The following GALK2 variants were observed in gnomAD, a reference collection of about 807,000 sequenced individuals.
The protein encoded by GALK2 is galactokinase 2.
Under a neutral mutation model 52.4 loss-of-function variants are expected in GALK2, and 36 were observed. The observed-to-expected ratio is 0.69, with a 90% CI of 0.53 to 0.91. The LOEUF is 0.91. GALK2 is among the 40% of genes least tolerant of loss of function. The probability of loss-of-function intolerance (pLI) is 0.00; values close to 1 mark genes in which losing one functional copy is unlikely to be tolerated. For missense variants in GALK2, 579 were observed against 559.1 expected (o/e 1.04, Z -0.36); for synonymous variants, 176 against 199.1 (o/e 0.88, Z 0.98).
At chr15:49,172,305 T>C (rs187056308) in intron 1 of GALK2, among the ~76,000 whole-genome samples, 6 of 152,344 alleles carry the variant, frequency 3.9e-5, no homozygotes, top group African/African-American at 1.4e-4. Flanking sequence ...AACAAATATT[T>C]ATTGTTAATA....
intron 8 of GALK2, among the ~76,000 whole-genome samples, chr15:49,317,419 G>C (rs2036512474): frequency 6.6e-6 from 1 of 151,734 alleles, no homozygotes; most frequent in Non-Finnish European, 1.5e-5. Flanking sequence ...ATAGATGCTG[G>C]AGAGGATGTG....
At chr15:49,316,652 C>CA (rs888570167) in intron 8 of GALK2, among the ~76,000 whole-genome samples, 35 of 147,822 alleles carry the variant, frequency 2.4e-4, no homozygotes, top group Middle Eastern at 3.4e-3. Context: ...AAATCAAGGG[C>CA]AAAAAAAAAA....
chr15:49,186,542 CTTT>C (rs71299506), intron 1 of GALK2, among the ~76,000 whole-genome samples: 1 of 131,090 alleles, frequency 7.6e-6, no homozygotes. Context: ...GAATTTTTTT[CTTT>C]TTTTTTTTTT....
Position 49,329,193 on chromosome 15 carries a change from TA to T in GALK2, c.*1036del. 9 of 986,692 alleles carry T rather than the reference TA, an allele frequency of 9.1e-6. No homozygotes were observed. Among genetic ancestry groups the T allele is most frequent in the Non-Finnish European group, 1.1e-5 (9 of 830,818 alleles). The allele number at this position is 986,692 out of a possible 1,614,324, so 61.1% of individuals were successfully genotyped here. A position where few individuals can be genotyped will look rare whatever the true frequency, so the allele number is the denominator to read the frequency against. On this transcript the variant is annotated 3_prime_UTR_variant, in exon 10 of 10. Transcript: ENST00000560031. The stretch of plus-strand genomic sequence containing the variant: ...GGGTGAAAGTGACTATGAAAAGACT[TA>T]ATGAATTCTGGGATTTGTAATGGTA...
exon 4 of GALK2, chr15:49,367,698 G>A (rs1037820148): frequency 2.5e-6 from 3 of 1,204,698 alleles, no homozygotes; most frequent in African/African-American, 3.2e-5. Context: ...TTAGCATAAA[G>A]TTACCATTTG....
rs958384410 is a variant in GALK2 at position 49,200,001 on chromosome 15, T to C, written c.54-1161T>C. ...TTTATTACATTTTCTTGAGGTTTTT[T>C]GGGTGTGGGTCTCTGTTTCTTAATT... On this transcript the variant is annotated intron_variant, in intron 1 of 9. Transcript: ENST00000560031. Among the ~76,000 whole-genome samples, 3 of 152,212 alleles carry C rather than the reference T, an allele frequency of 2.0e-5. No individual in the cohort carries two copies. The South Asian group carries it at 6.2e-4, about 31-fold the overall frequency.
intron 5 of GALK2, among the ~76,000 whole-genome samples, chr15:49,248,787 T>G (rs1240637258): frequency 6.6e-6 from 1 of 151,902 alleles, no homozygotes; most frequent in East Asian, 1.9e-4. Context: ...CACTTCTGGG[T>G]TTTTTTTCCG....
intron 5 of GALK2, among the ~76,000 whole-genome samples, chr15:49,271,586 C>G (rs1468442959): frequency 6.6e-6 from 1 of 152,200 alleles, no homozygotes; most frequent in Non-Finnish European, 1.5e-5. Context: ...CACTTACTAG[C>G]TGAATGATCT....
intron 8 of GALK2, among the ~76,000 whole-genome samples, chr15:49,300,015 T>C (rs1309628733): frequency 2.0e-5 from 3 of 151,902 alleles, no homozygotes; most frequent in Non-Finnish European, 4.4e-5. Flanking sequence ...GTTTTCTGCC[T>C]GGATGATCTG....
In GALK2 at chr15:49,328,133, G is replaced by A; in HGVS notation, c.1351G>A (p.Gly451Arg). 6.2e-7 allele frequency: 1 copy of A among 1,614,010 alleles called. No individual in the cohort carries two copies. The highest frequency in any genetic ancestry group is 8.5e-7 in the Non-Finnish European group (1 of 1,179,976). ...QSLFATKPGG[G>R]ALVLLEA ...TTTGTTTGCTACCAAACCTGGAGGT[G>A]GGGCTTTGGTTTTGCTTGAGGCCTG... The change falls in exon 10 of 10, where the codon GGG (glycine) becomes AGG (arginine). Residue 451 changes from glycine (G) to arginine (R), a missense_variant. Transcript: ENST00000560031.
At chr15:49,345,817 T>C (rs1478620757) in intron 3 of GALK2, among the ~76,000 whole-genome samples, 1 of 152,042 alleles carries the variant, frequency 6.6e-6, no homozygotes, top group Non-Finnish European at 1.5e-5. Context: ...AAACAAAGGG[T>C]TTTGGAAATT....
At chr15:49,259,645 T>C (rs1411911910) in intron 5 of GALK2, among the ~76,000 whole-genome samples, 2 of 150,440 alleles carry the variant, frequency 1.3e-5, no homozygotes, top group East Asian at 4.0e-4. Context: ...TAGTTACATA[T>C]GTATACATGT....
chr15:49,246,212 G>A (rs527635531), intron 5 of GALK2, among the ~76,000 whole-genome samples: 13 of 152,278 alleles, frequency 8.5e-5, no homozygotes, highest in Admixed American at 4.6e-4. Flanking sequence ...GTCTGTTCTT[G>A]GAGTTGTCCT....
intron 2 of GALK2, among the ~76,000 whole-genome samples, chr15:49,205,931 G>A (rs565897439): frequency 9.9e-5 from 15 of 152,280 alleles, no homozygotes; most frequent in Non-Finnish European, 1.9e-4. Flanking sequence ...TGGGGATCCA[G>A]TTTCATTCTC....
Position 49,328,638 on chromosome 15 carries a change from G to T in GALK2, c.*479G>T. On this transcript the variant is annotated 3_prime_UTR_variant, in exon 10 of 10. Coordinates refer to ENST00000560031, the MANE Select transcript of GALK2 (RefSeq NM_002044.4). ...TGATGATGATGATGATGACGATAGT[G>T]ATGCCACACATTCTCTCTCAATTTC... The T allele has an allele frequency of 1.3e-6, 2 of 1,578,276 alleles. No homozygotes were observed. The highest frequency in any genetic ancestry group is 1.7e-6 in the Non-Finnish European group (2 of 1,158,606).
chr15:49,366,325 T>C (rs765448052), intron 3 of GALK2: 76 of 786,580 alleles, frequency 9.7e-5, no homozygotes, highest in Admixed American at 2.4e-4. Context: ...AGGTAGGAAA[T>C]AGGATACTGT....
chr15:49,274,972 T>G (rs2031419397), intron 5 of GALK2, among the ~76,000 whole-genome samples: 1 of 148,980 alleles, frequency 6.7e-6, no homozygotes, highest in African/African-American at 2.5e-5. Context: ...TACAGTTAAC[T>G]TTTTTTTTTA....
chr15:49,228,115 G>A (rs1276228929), intron 3 of GALK2, among the ~76,000 whole-genome samples: 1 of 152,086 alleles, frequency 6.6e-6, no homozygotes, highest in African/African-American at 2.4e-5. Flanking sequence ...CTTTGTAAGT[G>A]TCTAGATGCT....
intron 8 of GALK2, among the ~76,000 whole-genome samples, chr15:49,299,434 G>T (rs1227555956): frequency 6.6e-6 from 1 of 151,902 alleles, no homozygotes; most frequent in South Asian, 2.1e-4. Context: ...CTAGCTTTGT[G>T]GTTGGTTTGC....
Sources: allele counts gnomAD v4.1 joint callset (sites outside exome capture counted in the v4.1 genomes callset), GRCh38; gene constraint gnomAD v4.1.1; transcripts MANE v1.5; gene names NCBI Gene and HGNC (gene_info 2026-07-23, HGNC 2026-07-21).